Variants in FAM107B observed in about 807,000 individuals in gnomAD.
FAM107B encodes family with sequence similarity 107 member B.
Under a neutral mutation model 31.5 loss-of-function variants are expected in FAM107B, and 21 were observed. That is an observed-to-expected ratio of 0.67 (90% CI 0.47 to 0.96). FAM107B has a LOEUF of 0.96. Among genes scored for constraint, FAM107B ranks in the 40% least tolerant of loss-of-function variants. FAM107B has a pLI of 0.00. For synonymous variants in FAM107B, 157 were observed against 141.5 expected, an observed-to-expected ratio of 1.11 and a Z score of -0.78; for missense variants, 452 against 377.1, an observed-to-expected ratio of 1.20 and a Z score of -1.64.
At chr10:14,680,438 G>A (rs12242761) in intron 1 of FAM107B, among the ~76,000 whole-genome samples, 5,170 of 152,122 alleles carry the variant, frequency 0.034, 284 homozygotes, top group African/African-American at 0.12. Flanking sequence ...GCCAGGTGTG[G>A]TGGCACATGC....
At chr10:14,600,226 G>A (rs551195453) in intron 2 of FAM107B, among the ~76,000 whole-genome samples, 2 of 152,178 alleles carry the variant, frequency 1.3e-5, no homozygotes, top group Non-Finnish European at 2.9e-5. Flanking sequence ...AGGACACCAC[G>A]TCCTACCACA....
chr10:14,537,591 G>A (rs1181547513), intron 2 of FAM107B, among the ~76,000 whole-genome samples: 1 of 152,152 alleles, frequency 6.6e-6, no homozygotes, highest in Non-Finnish European at 1.5e-5. Flanking sequence ...TGTAATCCCA[G>A]CACTTTGGGA....
At chr10:14,722,857 CT>C (rs1855944627) in intron 1 of FAM107B, among the ~76,000 whole-genome samples, 1 of 151,830 alleles carries the variant, frequency 6.6e-6, no homozygotes, top group African/African-American at 2.4e-5. Flanking sequence ...TATTGCTTAT[CT>C]TTTGGGTGTC....
At chr10:14,673,755 C>G (rs1854613703) in intron 1 of FAM107B, among the ~76,000 whole-genome samples, 1 of 152,156 alleles carries the variant, frequency 6.6e-6, no homozygotes, top group African/African-American at 2.4e-5. Flanking sequence ...TCCCCTTTCT[C>G]CGTATCCTTT....
rs571787563 is a variant in FAM107B at position 14,656,970 on chromosome 10, T to A, written c.469+10664A>T. Among the ~76,000 whole-genome samples, 45 of 152,300 alleles carry A rather than the reference T, an allele frequency of 3.0e-4. 1 individual carries two copies. The South Asian group carries it at 9.3e-3, about 32-fold the overall frequency. On this transcript the variant is annotated intron_variant, in intron 2 of 4. Coordinates refer to ENST00000181796, the MANE Select transcript of FAM107B (RefSeq NM_031453.4). ...GAATAGGTCATACTAACTAGACTAC[T>A]GAGGTGTCCCATGGGCATGTGAGCA...
At chr10:14,670,937 T>C (rs1190162146) in intron 1 of FAM107B, among the ~76,000 whole-genome samples, 2 of 152,240 alleles carry the variant, frequency 1.3e-5, no homozygotes, top group Non-Finnish European at 2.9e-5. Context: ...AATGCGTTCG[T>C]AGTGGCTTTT....
intron 2 of FAM107B, among the ~76,000 whole-genome samples, chr10:14,634,908 G>A (rs1012937218): frequency 6.6e-6 from 1 of 151,956 alleles, no homozygotes; most frequent in African/African-American, 2.4e-5. Context: ...TGGCCAACAT[G>A]GTGAAACCCC....
intron 1 of FAM107B, among the ~76,000 whole-genome samples, chr10:14,674,383 G>A (rs895753671): frequency 1.3e-5 from 2 of 152,166 alleles, no homozygotes; most frequent in African/African-American, 4.8e-5. Flanking sequence ...ATATACAGGG[G>A]CTGTGTTTTT....
At chr10:14,770,608 C>G (rs1264142574) in intron 1 of FAM107B, among the ~76,000 whole-genome samples, 1 of 152,156 alleles carries the variant, frequency 6.6e-6, no homozygotes, top group African/African-American at 2.4e-5. Context: ...TGATATGACA[C>G]TTCAACTACA....
At chr10:14,753,590 C>T (rs1414953694) in intron 1 of FAM107B, among the ~76,000 whole-genome samples, 1 of 152,156 alleles carries the variant, frequency 6.6e-6, no homozygotes, top group African/African-American at 2.4e-5. Context: ...CAGTTTTCCT[C>T]AGATCCATTA....
At chr10:14,761,011 CAAAAAA>C (rs565835423) in intron 1 of FAM107B, among the ~76,000 whole-genome samples, 4 of 77,628 alleles carry the variant, frequency 5.2e-5, no homozygotes, top group East Asian at 4.0e-4. Flanking sequence ...GACTCCGTTT[CAAAAAA>C]AAAAAAAAAA....
intron 1 of FAM107B, among the ~76,000 whole-genome samples, chr10:14,740,528 A>C (rs966821227): frequency 1.6e-4 from 25 of 152,216 alleles, no homozygotes; most frequent in African/African-American, 6.0e-4. Flanking sequence ...ATGGTGGAAA[A>C]GTGACTTTCT....
intron 2 of FAM107B, among the ~76,000 whole-genome samples, chr10:14,636,819 C>T (rs1853511543): frequency 6.6e-6 from 1 of 152,136 alleles, no homozygotes; most frequent in Non-Finnish European, 1.5e-5. Flanking sequence ...CATTATGGCT[C>T]AGCTCCTTGC....
At chr10:14,529,707 A>G (rs1296752549) in intron 3 of FAM107B, 2 of 152,238 alleles carry the variant, frequency 1.3e-5, no homozygotes, top group East Asian at 3.8e-4. Flanking sequence ...AATTATTTAA[A>G]AAGCAGAGTA....
chr10:14,718,789 C>T (rs1245890324), intron 1 of FAM107B, among the ~76,000 whole-genome samples: 1 of 152,182 alleles, frequency 6.6e-6, no homozygotes, highest in Non-Finnish European at 1.5e-5. Flanking sequence ...AGTAGTACAG[C>T]CTTTTGTGGC....
rs115845185 is a variant in FAM107B, at chr10:14,605,368, A to T, written c.469+62266T>A. ...CAGGTACAAAATCAGGGACTGAAAC[A>T]GTTATCGGTTTCAGCGTAGCAAAAA... On this transcript the variant is annotated intron_variant, in intron 2 of 4. Transcript: ENST00000181796. Among the ~76,000 whole-genome samples, 1,029 of 152,314 alleles carry T rather than the reference A, an allele frequency of 6.8e-3. 15 individuals are homozygous for T. The highest frequency in any genetic ancestry group is 0.024 in the African/African-American group (994 of 41,564).
chr10:14,632,404 G>A (rs1056754818), intron 2 of FAM107B, among the ~76,000 whole-genome samples: 1 of 150,802 alleles, frequency 6.6e-6, no homozygotes, highest in Non-Finnish European at 1.5e-5. Flanking sequence ...GAGGTCAGGA[G>A]ATCGAGACCA....
At chr10:14,547,198 G>C (rs150966962) in intron 2 of FAM107B, among the ~76,000 whole-genome samples, 12 of 152,300 alleles carry the variant, frequency 7.9e-5, no homozygotes, top group Non-Finnish European at 1.6e-4. Flanking sequence ...ATAACTACAC[G>C]TTGTGTTCCT....
chr10:14,767,998 T>C (rs762379872), intron 1 of FAM107B, among the ~76,000 whole-genome samples: 3 of 152,168 alleles, frequency 2.0e-5, no homozygotes, highest in East Asian at 3.8e-4. Flanking sequence ...TGCATTTCTA[T>C]ACAGTAACAA....
Sources: gnomAD v4.1 joint callset for allele counts (sites outside exome capture counted in the v4.1 genomes callset) on GRCh38, gnomAD v4.1.1 for gene constraint, MANE v1.5 for transcripts, NCBI Gene and HGNC (gene_info 2026-07-23, HGNC 2026-07-21) for gene names.